RBFOX1: variants seen among roughly 807,000 people sequenced by gnomAD.
The protein encoded by RBFOX1 is RNA binding protein fox-1 homolog 1.
Under a neutral mutation model 57.7 loss-of-function variants are expected in RBFOX1, and 8 were observed. That is an observed-to-expected ratio of 0.14 (90% CI 0.08 to 0.25). The LOEUF (loss-of-function observed/expected upper bound fraction) is 0.25. Ranked by LOEUF, RBFOX1 falls within the 10% of genes least tolerant of loss-of-function variation. The pLI, the probability that RBFOX1 is intolerant of heterozygous loss-of-function variation, is 1.00. For missense variants in RBFOX1, 611 were observed against 548.5 expected, an observed-to-expected ratio of 1.11 and a Z score of -1.14; for synonymous variants, 326 against 222.4, an observed-to-expected ratio of 1.47 and a Z score of -4.15.
chr16:6,029,031 A>T (rs2095248069), intron 1 of RBFOX1, among the ~76,000 whole-genome samples: 2 of 152,166 alleles, frequency 1.3e-5, no homozygotes, highest in Non-Finnish European at 2.9e-5. Flanking sequence ...AAGGATGGCT[A>T]CCTGGGAGTG....
chr16:6,476,364 C>T (rs1459756140), intron 2 of RBFOX1, among the ~76,000 whole-genome samples: 2 of 152,062 alleles, frequency 1.3e-5, no homozygotes, highest in Non-Finnish European at 2.9e-5. Flanking sequence ...ACAGGCACAC[C>T]TTGGAGATAC....
At chr16:6,254,952 C>T (rs1012223465) in intron 1 of RBFOX1, among the ~76,000 whole-genome samples, 1 of 151,978 alleles carries the variant, frequency 6.6e-6, no homozygotes, top group Non-Finnish European at 1.5e-5. Context: ...CTTTATTTCC[C>T]AGATTATTAA....
chr16:6,635,634 A>T lies in RBFOX1; in HGVS notation c.-63-18969A>T, dbSNP rs953467399. ...ATACTAGAATATGAGTCTAGGAAGG[A>T]AGGTGGCATAGGCACAGAAGTAATT... On this transcript the variant is annotated intron_variant, in intron 2 of 15. Transcript: ENST00000550418. Among the ~76,000 whole-genome samples the T allele has an allele frequency of 9.2e-5, 14 of 152,310 alleles. No homozygotes were observed. In the East Asian group the frequency reaches 2.7e-3, roughly 29 times the overall value.
chr16:6,652,966 A>G (rs1321223479), intron 2 of RBFOX1, among the ~76,000 whole-genome samples: 3 of 152,192 alleles, frequency 2.0e-5, no homozygotes, highest in African/African-American at 7.2e-5. Context: ...ATCTCAAAAT[A>G]AAGTAAACAT....
chr16:6,384,060 C>CTT (rs5815305), intron 2 of RBFOX1, among the ~76,000 whole-genome samples: 2 of 126,638 alleles, frequency 1.6e-5, no homozygotes, highest in African/African-American at 2.9e-5. Flanking sequence ...ATTGGTTTTG[C>CTT]TTTTTTTTTT....
intron 3 of RBFOX1, among the ~76,000 whole-genome samples, chr16:6,970,548 CT>C (rs1311884188): frequency 6.6e-6 from 1 of 152,120 alleles, no homozygotes; most frequent in African/African-American, 2.4e-5. Flanking sequence ...AGGGCTGAGT[CT>C]CTGCCTTATA....
intron 2 of RBFOX1, among the ~76,000 whole-genome samples, chr16:6,336,177 ATATATTTTTTTTTTTTTTTTTTT>A (rs1340450479): frequency 2.2e-3 from 57 of 26,430 alleles, no homozygotes; most frequent in Admixed American, 3.8e-3. Flanking sequence ...ATATATATAT[ATATATTTTTTTTTTTTTTTTTTT>A]TTTTTTTTTT....
At chr16:7,097,197 C>T (rs2061850482) in intron 4 of RBFOX1, among the ~76,000 whole-genome samples, 1 of 152,026 alleles carries the variant, frequency 6.6e-6, no homozygotes, top group South Asian at 2.1e-4. Flanking sequence ...TCAGCTAGGA[C>T]CTGAGAGTTA....
At chr16:5,852,265 C>T (rs1182829149) in intron 3 of RBFOX1, among the ~76,000 whole-genome samples, 1 of 152,132 alleles carries the variant, frequency 6.6e-6, no homozygotes, top group African/African-American at 2.4e-5. Flanking sequence ...CCCTCCCTGC[C>T]TTAGGTCGAG....
At chr16:6,150,813 G>C (rs1240634639) in intron 1 of RBFOX1, among the ~76,000 whole-genome samples, 1 of 152,158 alleles carries the variant, frequency 6.6e-6, no homozygotes, top group African/African-American at 2.4e-5. Flanking sequence ...CATATTTCTT[G>C]AATGAATGAA....
chr16:6,694,480 C>A (rs1441751983), intron 3 of RBFOX1, among the ~76,000 whole-genome samples: 3 of 152,152 alleles, frequency 2.0e-5, no homozygotes, highest in Admixed American at 6.5e-5. Context: ...TGTTGATGAT[C>A]CAAACCTGCC....
At chr16:6,714,539 A>C (rs886945999) in intron 3 of RBFOX1, among the ~76,000 whole-genome samples, 2 of 152,156 alleles carry the variant, frequency 1.3e-5, no homozygotes, top group African/African-American at 4.8e-5. Flanking sequence ...TTATACTGCA[A>C]GTCTCATTAG....
intron 2 of RBFOX1, among the ~76,000 whole-genome samples, chr16:5,530,972 A>G (rs2044452788): frequency 7.7e-6 from 1 of 129,096 alleles, no homozygotes; most frequent in African/African-American, 3.1e-5. Context: ...AAAAAAAAAA[A>G]AAATTAGCCA....
At chr16:6,759,190 G>A (rs1054349102) in intron 3 of RBFOX1, among the ~76,000 whole-genome samples, 6 of 144,710 alleles carry the variant, frequency 4.1e-5, no homozygotes, top group Non-Finnish European at 1.5e-5. Context: ...TCGCTCTGTT[G>A]CCCAGGCTGG....
In RBFOX1 at chr16:7,581,986, G is replaced by C. The variant is rs555056097; in HGVS notation, c.414+2066G>C. ...CCCGCCTTGGCCTCCCAATGTGCTG[G>C]GATTACAGCATAAGATGTGAGCTAT... is the stretch of plus-strand genomic sequence containing the variant. On this transcript the variant is annotated intron_variant, in intron 6 of 15. Transcript: ENST00000550418. Among the ~76,000 whole-genome samples, 10 of 151,942 alleles carry C rather than the reference G, an allele frequency of 6.6e-5. No individual in the cohort carries two copies. In the South Asian group the frequency reaches 1.9e-3, roughly 29 times the overall value.
At chr16:6,853,106 T>C (rs1382911529) in intron 3 of RBFOX1, among the ~76,000 whole-genome samples, 2 of 152,268 alleles carry the variant, frequency 1.3e-5, no homozygotes, top group Non-Finnish European at 2.9e-5. Context: ...TCCCTCCATA[T>C]ATACTACCTA....
At chr16:5,336,911 A>G (rs1005431618) in intron 1 of RBFOX1, among the ~76,000 whole-genome samples, 2 of 152,216 alleles carry the variant, frequency 1.3e-5, no homozygotes, top group African/African-American at 4.8e-5. Context: ...CTGGGGACAC[A>G]AGAGCTACCT....
chr16:5,805,963 A>C (rs1318448599), intron 3 of RBFOX1, among the ~76,000 whole-genome samples: 1 of 152,222 alleles, frequency 6.6e-6, no homozygotes, highest in Non-Finnish European at 1.5e-5. Flanking sequence ...CATAGATCCT[A>C]GCACAGTGTT....
At chr16:7,023,564 T>TAAAAAAAAAAAAAAAAAAAAAAAAA (rs34056673) in intron 3 of RBFOX1, among the ~76,000 whole-genome samples, 6 of 43,928 alleles carry the variant, frequency 1.4e-4, no homozygotes, top group African/African-American at 4.5e-4. Flanking sequence ...TCGTCTGTAC[T>TAAAAAAAAAAAAAAAAAAAAAAAAA]AAAAAAAAAA....
Sources: allele counts gnomAD v4.1 joint callset (sites outside exome capture counted in the v4.1 genomes callset), GRCh38; gene constraint gnomAD v4.1.1; transcripts MANE v1.5; gene names NCBI Gene and HGNC (gene_info 2026-07-23, HGNC 2026-07-21).